SH3RF3: variants seen among roughly 807,000 people sequenced by gnomAD.
SH3RF3 encodes SH3 domain containing ring finger 3.
In SH3RF3, 29 loss-of-function variants were observed where a neutral mutation model predicts 66.3. That is an observed-to-expected ratio of 0.44 (90% CI 0.33 to 0.60). The LOEUF (loss-of-function observed/expected upper bound fraction) is 0.60, where lower values mean the gene tolerates loss of function less well. Among genes scored for constraint, SH3RF3 ranks in the 20% least tolerant of loss-of-function variants. The probability of loss-of-function intolerance (pLI) is 0.04; values close to 1 mark genes in which losing one functional copy is unlikely to be tolerated. For synonymous variants in SH3RF3, 583 were observed against 532.0 expected (o/e 1.10, Z -1.32); for missense variants, 1,194 against 1,190.9 (o/e 1.00, Z -0.04).
At chr2:109,293,157 G>A (rs1279721209) in intron 1 of SH3RF3, among the ~76,000 whole-genome samples, 1 of 152,234 alleles carries the variant, frequency 6.6e-6, no homozygotes, top group Non-Finnish European at 1.5e-5. Flanking sequence ...ACAGAGCTCC[G>A]CAGGCAGTGC....
At chr2:109,345,266 AG>A (rs1208133406) in intron 1 of SH3RF3, among the ~76,000 whole-genome samples, 1 of 151,990 alleles carries the variant, frequency 6.6e-6, no homozygotes, top group Non-Finnish European at 1.5e-5. Flanking sequence ...TATGTCAACC[AG>A]TCTAGAGAAG....
At chr2:109,497,076 C>T (rs1377150872) in intron 9 of SH3RF3, among the ~76,000 whole-genome samples, 8 of 152,124 alleles carry the variant, frequency 5.3e-5, no homozygotes, top group Admixed American at 5.2e-4. Flanking sequence ...TGATTTTGGC[C>T]CAGTGAGACC....
chr2:109,333,659 A>C (rs995159768), intron 1 of SH3RF3, among the ~76,000 whole-genome samples: 1 of 152,212 alleles, frequency 6.6e-6, no homozygotes, highest in Admixed American at 6.5e-5. Context: ...CACTAGAGAC[A>C]AAGTTTGCTG....
chr2:109,184,313 A>T (rs542622802), intron 1 of SH3RF3, among the ~76,000 whole-genome samples: 9 of 152,334 alleles, frequency 5.9e-5, no homozygotes, highest in Admixed American at 3.3e-4. Flanking sequence ...CCAAGTTCAT[A>T]TCCTTGTTCA....
chr2:109,485,168 C>A (rs566940968), intron 8 of SH3RF3, among the ~76,000 whole-genome samples: 1 of 152,318 alleles, frequency 6.6e-6, no homozygotes, highest in South Asian at 2.1e-4. Context: ...GTGTGCCCAA[C>A]CAATGCAAAC....
chr2:109,415,317 C>G (rs1206986730), intron 4 of SH3RF3, among the ~76,000 whole-genome samples: 2 of 152,182 alleles, frequency 1.3e-5, no homozygotes, highest in African/African-American at 2.4e-5. Flanking sequence ...AGCACGTGGC[C>G]TGAGTTCAAA....
chr2:109,142,824 G>A (rs532470142), intron 1 of SH3RF3, among the ~76,000 whole-genome samples: 26 of 152,300 alleles, frequency 1.7e-4, no homozygotes, highest in African/African-American at 4.8e-4. Flanking sequence ...GGGAAAGGTG[G>A]CTGTCATTGT....
At chr2:109,278,282 C>T (rs1362066386) in intron 1 of SH3RF3, among the ~76,000 whole-genome samples, 1 of 152,192 alleles carries the variant, frequency 6.6e-6, no homozygotes, top group Non-Finnish European at 1.5e-5. Flanking sequence ...TCGGCAGGGC[C>T]CCGTGCTTCA....
intron 4 of SH3RF3, among the ~76,000 whole-genome samples, chr2:109,407,830 C>T (rs1468366688): frequency 6.6e-6 from 1 of 152,206 alleles, no homozygotes; most frequent in Non-Finnish European, 1.5e-5. Flanking sequence ...CATGACTTAC[C>T]AATCCTGGCC....
chr2:109,237,600 G>T (rs1329803179), intron 1 of SH3RF3, among the ~76,000 whole-genome samples: 1 of 152,128 alleles, frequency 6.6e-6, no homozygotes. Context: ...AGATTTTTGT[G>T]TGTGTGAATT....
rs115327912 is a variant in SH3RF3 at position 109,285,021 on chromosome 2, C to T, written c.574-62653C>T. On this transcript the variant is annotated intron_variant, in intron 1 of 9. Transcript: ENST00000309415. ...TGCCTCTGGGAGGACGTTGTCTGTG[C>T]GCTGTGCCGCGGGGCCTCTGCTCCA... Among the ~76,000 whole-genome samples the T allele has an allele frequency of 9.8e-3, 1,491 of 152,344 alleles. 25 individuals carry two copies. Among genetic ancestry groups the T allele is most frequent in the African/African-American group, 0.034 (1,419 of 41,574 alleles).
At chr2:109,292,072 C>T (rs1469435482) in intron 1 of SH3RF3, among the ~76,000 whole-genome samples, 1 of 152,166 alleles carries the variant, frequency 6.6e-6, no homozygotes, top group Non-Finnish European at 1.5e-5. Context: ...ACCGTGTTAG[C>T]CAGGATGGTC....
At chr2:109,171,780 G>T (rs923103351) in intron 1 of SH3RF3, among the ~76,000 whole-genome samples, 7 of 152,190 alleles carry the variant, frequency 4.6e-5, no homozygotes, top group African/African-American at 1.4e-4. Flanking sequence ...CGTGCATCCC[G>T]GCCACGCTCA....
rs939849248 is a variant in SH3RF3 at position 109,504,381 on chromosome 2, CAGAG to C, written c.*2713_*2716del. On this transcript the variant is annotated 3_prime_UTR_variant, in exon 10 of 10. Coordinates refer to ENST00000309415, the MANE Select transcript of SH3RF3 (RefSeq NM_001099289.3). Reference sequence around the variant, plus strand: ...CCAGGGGCCTCTGCCCAGAGGGAGGCAGAGAGGATGGCGGCCACGGGTGCTCTCC... The same window carrying C: ...CCAGGGGCCTCTGCCCAGAGGGAGGCAGGATGGCGGCCACGGGTGCTCTCC... 3 of 152,256 alleles carry C rather than the reference CAGAG, an allele frequency of 2.0e-5. No homozygotes were observed. In the South Asian group the frequency reaches 6.2e-4, roughly 31 times the overall value. 9.4% of individuals were successfully genotyped at this position (152,256 alleles called of 1,614,324 possible). A position where few individuals can be genotyped will look rare whatever the true frequency, so the allele number is the denominator to read the frequency against.
At chr2:109,334,544 A>G (rs1682362533) in intron 1 of SH3RF3, among the ~76,000 whole-genome samples, 1 of 152,128 alleles carries the variant, frequency 6.6e-6, no homozygotes, top group Non-Finnish European at 1.5e-5. Flanking sequence ...GCCAGCCAGC[A>G]GGGGAACCCT....
chr2:109,498,468 C>G (rs1314013640), intron 9 of SH3RF3, among the ~76,000 whole-genome samples: 4 of 152,200 alleles, frequency 2.6e-5, no homozygotes, highest in Admixed American at 2.6e-4. Flanking sequence ...TTTCCTGAGC[C>G]TGGCACCAAG....
At chr2:109,465,315 G>C (rs568724000) in intron 8 of SH3RF3, among the ~76,000 whole-genome samples, 10 of 152,228 alleles carry the variant, frequency 6.6e-5, no homozygotes, top group East Asian at 1.9e-4. Context: ...ACATAAATTC[G>C]GATAAATACC....
chr2:109,460,796 C>T (rs535854329), intron 8 of SH3RF3, among the ~76,000 whole-genome samples: 2 of 152,372 alleles, frequency 1.3e-5, no homozygotes, highest in South Asian at 4.1e-4. Flanking sequence ...AATCATTAAA[C>T]AATCACACTT....
At chr2:109,249,054 A>T (rs951130790) in intron 1 of SH3RF3, among the ~76,000 whole-genome samples, 2 of 151,936 alleles carry the variant, frequency 1.3e-5, no homozygotes, top group Non-Finnish European at 1.5e-5. Flanking sequence ...GCTAATTTGT[A>T]ATTTTGTGTA....
Sources: gnomAD v4.1 joint callset for allele counts (sites outside exome capture counted in the v4.1 genomes callset) on GRCh38, gnomAD v4.1.1 for gene constraint, MANE v1.5 for transcripts, NCBI Gene and HGNC (gene_info 2026-07-23, HGNC 2026-07-21) for gene names.